Variants in SLC26A11 observed in about 807,000 individuals in gnomAD.
The protein encoded by SLC26A11 is sodium-independent sulfate anion transporter.
Under a neutral mutation model 62.2 loss-of-function variants are expected in SLC26A11, and 58 were observed. The observed-to-expected ratio is 0.93, with a 90% confidence interval of 0.76 to 1.16. SLC26A11 has a LOEUF of 1.16. Ranked by LOEUF, SLC26A11 falls within the 50% of genes most tolerant of loss-of-function variation. SLC26A11 has a pLI of 0.00. For missense variants in SLC26A11, 790 were observed against 794.3 expected, an observed-to-expected ratio of 0.99 and a Z score of 0.06; for synonymous variants, 411 against 368.9, an observed-to-expected ratio of 1.11 and a Z score of -1.31.
In SLC26A11 at chr17:80,252,025, C is replaced by T. The variant is rs73432167; in HGVS notation, c.1730-600C>T. On this transcript the variant is annotated intron_variant, in intron 17 of 17. Transcript: ENST00000361193. The surrounding 1 kb of genome is among the most constrained non-coding windows in gnomAD (Gnocchi z 5.2). ...ACAGAGCAGGGCCGGGTCAGGAGAT[C>T]CAGAAGCCCCGGGACAGAAGGTACG... Among the ~76,000 whole-genome samples, 9,899 of 152,102 alleles carry T rather than the reference C, an allele frequency of 0.065. 785 individuals are homozygous for T. The highest frequency in any genetic ancestry group is 0.19 in the African/African-American group (7,953 of 41,448).
Position 80,252,793 on chromosome 17 carries a change from C to A in SLC26A11, c.*77C>A. On this transcript the variant is annotated 3_prime_UTR_variant, in exon 18 of 18. Transcript: ENST00000361193. The surrounding 1 kb of genome is among the most constrained non-coding windows in gnomAD (Gnocchi z 5.2). ...GTCACTGTGATTGGATGCTGGATGC[C>A]GCCTGATAGACATGCTGGCCTGGCT... 7.6e-7 allele frequency: 1 copy of A among 1,318,240 alleles called. No homozygotes were observed. Among genetic ancestry groups the A allele is most frequent in the Non-Finnish European group, 1.1e-6 (1 of 932,406 alleles). The allele number at this position is 1,318,240 out of a possible 1,614,324, so 81.7% of individuals were successfully genotyped here.
Position 80,223,168 on chromosome 17 carries a change from C to A in SLC26A11, c.428-84C>A. ...TCTGCTCCCCAATCCCACCCATTGC[C>A]ACCTTCCCCAGCTCACATCTCCCCT... On this transcript the variant is annotated intron_variant, in intron 4 of 17. Transcript: ENST00000361193. This position sits in a 1 kb window ranked among gnomAD's most constrained non-coding sequence, Gnocchi z 4.6. The A allele has an allele frequency of 7.7e-7, 1 of 1,304,618 alleles. No homozygotes were observed. The highest frequency in any genetic ancestry group is 1.1e-6 in the Non-Finnish European group (1 of 909,264). The allele number at this position is 1,304,618 out of a possible 1,614,324, so 80.8% of individuals were successfully genotyped here. A position where few individuals can be genotyped will look rare whatever the true frequency, so the allele number is the denominator to read the frequency against.
Position 80,222,764 on chromosome 17 carries a change from A to G in SLC26A11, c.344A>G (p.Tyr115Cys), listed in dbSNP as rs777474848. Reference sequence around the variant, plus strand: ...ATTATGTCCCTCCTGGTCTCCTTCTACACCTTCCATGAGCCCGCCTACGCT... The same window carrying G: ...ATTATGTCCCTCCTGGTCTCCTTCTGCACCTTCCATGAGCCCGCCTACGCT... Reference protein sequence around the residue: ...TAIMSLLVSFYTFHEPAYAVL... With the variant: ...TAIMSLLVSFCTFHEPAYAVL... Residue 115 changes from tyrosine (Y) to cysteine (C), a missense_variant, in exon 4 of 18, where the codon TAC becomes TGC. Transcript: ENST00000361193. This position sits in a 1 kb window ranked among gnomAD's most constrained non-coding sequence, Gnocchi z 4.7. 1.9e-6 allele frequency: 3 copies of G among 1,613,846 alleles called. No individual in the cohort carries two copies. Among genetic ancestry groups the G allele is most frequent in the African/African-American group, 1.3e-5 (1 of 74,914 alleles).
At position 80,243,394 on chromosome 17, in the gene SLC26A11, C is replaced by CTTA. The variant is rs762787454; in HGVS notation, c.1036+1591_1036+1593dup. Among the ~76,000 whole-genome samples the CTTA allele has an allele frequency of 1.0e-3, 156 of 151,800 alleles. 1 individual carries two copies. The highest frequency in any genetic ancestry group is 3.4e-3 in the Middle Eastern group (1 of 290). The stretch of plus-strand genomic sequence containing the variant: ...AGAGCATCCCATTCCCATTACTTTA[C>CTTA]TTATTATTATTATTATTATTTGAGA... On this transcript the variant is annotated intron_variant, in intron 10 of 17. Transcript: ENST00000361193.
At chr17:80,231,792 T>C (rs1236636511) in intron 7 of SLC26A11, among the ~76,000 whole-genome samples, 1 of 152,242 alleles carries the variant, frequency 6.6e-6, no homozygotes, top group Admixed American at 6.5e-5. Flanking sequence ...TCCATTGTGA[T>C]AAGAAAACGT....
rs1164165394 is a variant in SLC26A11, at chr17:80,248,219, C to A, written c.1384C>A (p.Leu462Ile). The A allele has an allele frequency of 2.5e-6, 4 of 1,609,646 alleles. No individual in the cohort carries two copies. In the South Asian group the frequency reaches 3.3e-5, roughly 13 times the overall value. The change falls in exon 14 of 18, where the codon CTC (leucine) becomes ATC (isoleucine). Residue 462 changes from leucine (L) to isoleucine (I), a missense_variant. Coordinates refer to ENST00000361193, the MANE Select transcript of SLC26A11 (RefSeq NM_001166347.2). The stretch of plus-strand genomic sequence containing the variant: ...CCTGGCCGGGGCCCTGGTGTCTCTG[C>A]TCATGCTCCTGCACTCTGCAGCCAG... ...GILAGALVSL[L>I]MLLHSAARPE...
In SLC26A11 at chr17:80,248,169, G is replaced by GCTTCTGGGAGGTGCAGTA; in HGVS notation, c.1336_1353dup (p.Phe446_Tyr451dup). ...CCCCTGTGCGTGACCTTCCTGCTGT[G>GCTTCTGGGAGGTGCAGTA]CTTCTGGGAGGTGCAGTACGGCATC... On this transcript the variant is annotated inframe_insertion, in exon 14 of 18. Transcript: ENST00000361193. The GCTTCTGGGAGGTGCAGTA allele has an allele frequency of 6.2e-7, 1 of 1,607,470 alleles. No individual in the cohort carries two copies. The highest frequency in any genetic ancestry group is 8.5e-7 in the Non-Finnish European group (1 of 1,179,870).
chr17:80,237,515 C>G lies in SLC26A11; in HGVS notation c.913-7C>G, dbSNP rs751954624. The stretch of plus-strand genomic sequence containing the variant: ...AGGTCACTCACCATCCCTCTCTCCT[C>G]TCTCAGGACATGGGAGCCGGGCTGG... On this transcript the variant is annotated splice_polypyrimidine_tract_variant and splice_region_variant and intron_variant, in intron 8 of 17. Coordinates refer to ENST00000361193, the MANE Select transcript of SLC26A11 (RefSeq NM_001166347.2). 3 of 1,608,328 alleles carry G rather than the reference C, an allele frequency of 1.9e-6. No individual in the cohort carries two copies. Among genetic ancestry groups the G allele is most frequent in the South Asian group, 2.2e-5 (2 of 89,456 alleles).
At position 80,222,400 on chromosome 17, in the gene SLC26A11, C is replaced by T. The variant is rs1234094023; in HGVS notation, c.235-255C>T. On this transcript the variant is annotated intron_variant, in intron 3 of 17. Coordinates refer to ENST00000361193, the MANE Select transcript of SLC26A11 (RefSeq NM_001166347.2). The surrounding 1 kb of genome is among the most constrained non-coding windows in gnomAD (Gnocchi z 4.7). ...CAAAAAAAAAAAAAAAGAATGCTTCCTCAGACTTGGACACAGCACACGGGC... is the reference window on the plus strand; with the variant it reads ...CAAAAAAAAAAAAAAAGAATGCTTCTTCAGACTTGGACACAGCACACGGGC... 1.5e-5 allele frequency: 6 copies of T among 407,492 alleles called. No individual in the cohort carries two copies. The highest frequency in any genetic ancestry group is 1.2e-4 in the African/African-American group (6 of 48,322). The allele number at this position is 407,492 out of a possible 1,614,324, so 25.2% of individuals were successfully genotyped here.
chr17:80,224,282 T>G (rs28675850), intron 5 of SLC26A11, among the ~76,000 whole-genome samples: 235 of 147,230 alleles, frequency 1.6e-3, no homozygotes, highest in African/African-American at 4.8e-3. Context: ...AGTGAGTGCG[T>G]GTGTGAGTGA....
Position 80,222,462 on chromosome 17 carries a change from A to G in SLC26A11, c.235-193A>G. 1 of 591,602 alleles carries G rather than the reference A, an allele frequency of 1.7e-6. No homozygotes were observed. Among genetic ancestry groups the G allele is most frequent in the Non-Finnish European group, 3.0e-6 (1 of 333,940 alleles). 36.6% of individuals were successfully genotyped at this position (591,602 alleles called of 1,614,324 possible). On this transcript the variant is annotated intron_variant, in intron 3 of 17. Coordinates refer to ENST00000361193, the MANE Select transcript of SLC26A11 (RefSeq NM_001166347.2). This position sits in a 1 kb window ranked among gnomAD's most constrained non-coding sequence, Gnocchi z 4.7. ...CCTCTGCCTGGCTGTCTGCACCCTGAGGCCCCAGTTGAGTGCTGCTAAAAA... is the reference window on the plus strand; with the variant it reads ...CCTCTGCCTGGCTGTCTGCACCCTGGGGCCCCAGTTGAGTGCTGCTAAAAA...
Position 80,246,499 on chromosome 17 carries a change from T to G in SLC26A11, c.1154-10T>G, listed in dbSNP as rs1334459470. 36 of 1,609,212 alleles carry G rather than the reference T, an allele frequency of 2.2e-5. No individual in the cohort carries two copies. The highest frequency in any genetic ancestry group is 3.0e-5 in the Non-Finnish European group (35 of 1,179,952). ...ACTCCCGAGGTCACCTGTGTTCCCG[T>G]GCCCCGCAGGAGTGCTGGTGCTGCT... is the stretch of plus-strand genomic sequence containing the variant. On this transcript the variant is annotated splice_polypyrimidine_tract_variant and intron_variant, in intron 12 of 17. Transcript: ENST00000361193. This position sits in a 1 kb window ranked among gnomAD's most constrained non-coding sequence, Gnocchi z 4.4.
At chr17:80,234,720 G>T (rs2042647054) in intron 7 of SLC26A11, among the ~76,000 whole-genome samples, 1 of 152,116 alleles carries the variant, frequency 6.6e-6, no homozygotes, top group African/African-American at 2.4e-5. Flanking sequence ...TTTCATTTTG[G>T]ATAGTTTCTG....
rs1028213125 is a variant in SLC26A11 at position 80,220,639 on chromosome 17, G to T, written c.-214+143G>T. On this transcript the variant is annotated intron_variant, in intron 1 of 17. Transcript: ENST00000361193. ...GGCCTCCCGTGGGGACCACTCCCCC[G>T]CCGCGTCCCTACCCGGGTCCCCGCG... 18 of 278,672 alleles carry T rather than the reference G, an allele frequency of 6.5e-5. No individual in the cohort carries two copies. In the South Asian group the frequency reaches 2.4e-3, roughly 37 times the overall value. The allele number at this position is 278,672 out of a possible 1,614,324, so 17.3% of individuals were successfully genotyped here. A position where few individuals can be genotyped will look rare whatever the true frequency, so the allele number is the denominator to read the frequency against.
chr17:80,241,836 G>A lies in SLC26A11; in HGVS notation c.1036+15G>A, dbSNP rs759438486. ...GCTGGCCATCGGTAAGACCCCAGCC[G>A]CGGGAAGGAAGACACCAGCTGTGGG... On this transcript the variant is annotated intron_variant, in intron 10 of 17. Coordinates refer to ENST00000361193, the MANE Select transcript of SLC26A11 (RefSeq NM_001166347.2). 9.9e-6 allele frequency: 16 copies of A among 1,614,010 alleles called. No homozygotes were observed. The highest frequency in any genetic ancestry group is 4.0e-5 in the African/African-American group (3 of 74,932).
chr17:80,221,891 C>A, intron 3 of SLC26A11, 97 bp downstream of exon 3: 1 of 1,272,534 alleles, frequency 7.9e-7, no homozygotes, highest in Non-Finnish European at 1.1e-6. Context: ...GGTTTCCAGC[C>A]CCTGGGCCCC....
At chr17:80,227,750 C>G in intron 6 of SLC26A11, 68 bp from the exon 7 acceptor site, 1 of 1,557,578 alleles carries the variant, frequency 6.4e-7, no homozygotes, top group South Asian at 1.2e-5. Context: ...TAAGCAGCAG[C>G]AGGATGCTTG....
intron 10 of SLC26A11, 54 bp from the exon 11 acceptor site, chr17:80,245,142 C>T (rs2042960704): frequency 1.3e-6 from 2 of 1,557,106 alleles, no homozygotes; most frequent in Non-Finnish European, 8.9e-7. Flanking sequence ...ATCTCCTTTC[C>T]CTCCATCCTG....
At chr17:80,239,531 A>G (rs2042801090) in intron 9 of SLC26A11, among the ~76,000 whole-genome samples, 2 of 151,906 alleles carry the variant, frequency 1.3e-5, no homozygotes, top group Non-Finnish European at 1.5e-5. Context: ...CTGGGACTAC[A>G]GGCGTCCGCC....
Sources: allele counts gnomAD v4.1 joint callset (sites outside exome capture counted in the v4.1 genomes callset), GRCh38; gene constraint gnomAD v4.1.1; non-coding constraint Gnocchi (gnomAD v3.1); transcripts MANE v1.5; gene names NCBI Gene and HGNC (gene_info 2026-07-23, HGNC 2026-07-21).